The following BMAL1 variants were observed in gnomAD, a reference collection of about 807,000 sequenced individuals.
BMAL1 encodes the protein basic helix-loop-helix ARNT like 1.
At chr11:13,362,160 C>T in the BMAL1 span, among the ~76,000 whole-genome samples, 1 of 152,188 alleles carries the variant, frequency 6.6e-6, no homozygotes, top group Non-Finnish European at 1.5e-5. Context: ...GTGACTCCCA[C>T]AACCCAATAT....
At chr11:13,316,938 C>G in the BMAL1 span, among the ~76,000 whole-genome samples, 2 of 152,150 alleles carry the variant, frequency 1.3e-5, no homozygotes, top group African/African-American at 2.4e-5. Context: ...AACATCAGCT[C>G]CCTGTCTGTC....
At chr11:13,356,267 C>T in the BMAL1 span, 1 of 457,712 alleles carries the variant, frequency 2.2e-6, no homozygotes, top group South Asian at 1.5e-5. Context: ...TACTTTAATT[C>T]CACCCTCCTC....
the BMAL1 span, among the ~76,000 whole-genome samples, chr11:13,350,934 G>A: frequency 2.5e-4 from 38 of 152,222 alleles, no homozygotes; most frequent in Middle Eastern, 3.4e-3. Flanking sequence ...AAATTTATTC[G>A]TTCATTCAAT....
the BMAL1 span, chr11:13,276,899 T>C: frequency 6.6e-6 from 1 of 152,248 alleles, no homozygotes; most frequent in East Asian, 1.9e-4. Context: ...GTAGACAGCT[T>C]TTTGCAGCAG....
the BMAL1 span, chr11:13,380,645 C>T: frequency 6.6e-6 from 1 of 152,666 alleles, no homozygotes; most frequent in Non-Finnish European, 1.5e-5. Context: ...TGGTGCCGTC[C>T]ATGTCCTAAG....
the BMAL1 span, among the ~76,000 whole-genome samples, chr11:13,304,326 G>C: frequency 6.6e-6 from 1 of 152,340 alleles, no homozygotes; most frequent in Non-Finnish European, 1.5e-5. Context: ...TCTGAAGGTG[G>C]GCCAGCAACT....
chr11:13,364,999 C>G, the BMAL1 span, among the ~76,000 whole-genome samples: 1 of 152,096 alleles, frequency 6.6e-6, no homozygotes, highest in Non-Finnish European at 1.5e-5. Context: ...ACAAAAAACA[C>G]TGCTCCGAAT....
chr11:13,351,258 G>A, the BMAL1 span, among the ~76,000 whole-genome samples: 2 of 152,154 alleles, frequency 1.3e-5, no homozygotes, highest in African/African-American at 4.8e-5. Flanking sequence ...TTGGAATGTC[G>A]AGCTCATAGG....
At chr11:13,352,833 CAG>C in the BMAL1 span, among the ~76,000 whole-genome samples, 1 of 152,162 alleles carries the variant, frequency 6.6e-6, no homozygotes, top group Admixed American at 6.5e-5. Flanking sequence ...AAGTTGGGTC[CAG>C]AGAGGGGTAG....
At chr11:13,287,231 A>G in the BMAL1 span, among the ~76,000 whole-genome samples, 2 of 152,328 alleles carry the variant, frequency 1.3e-5, no homozygotes, top group Non-Finnish European at 2.9e-5. Flanking sequence ...CTGTGCTGCA[A>G]ACTTCCCCAG....
At chr11:13,365,096 T>C in the BMAL1 span, among the ~76,000 whole-genome samples, 1 of 148,888 alleles carries the variant, frequency 6.7e-6, no homozygotes, top group Non-Finnish European at 1.5e-5. Flanking sequence ...GGAGAGGGGA[T>C]TCTTGAAGAG....
chr11:13,365,485 A>G, the BMAL1 span: 3 of 1,608,974 alleles, frequency 1.9e-6, no homozygotes. Context: ...TTGATTATCC[A>G]TTTCTCCTGA....
At chr11:13,341,830 A>G in the BMAL1 span, among the ~76,000 whole-genome samples, 1 of 152,252 alleles carries the variant, frequency 6.6e-6, no homozygotes, top group African/African-American at 2.4e-5. Context: ...CTGGTCCTTG[A>G]GCATGACTCA....
At chr11:13,286,644 C>T in the BMAL1 span, among the ~76,000 whole-genome samples, 140,653 of 152,156 alleles carry the variant, frequency 0.92, 65,472 homozygotes, top group East Asian at 1. Context: ...TCCCCATGTG[C>T]AGAGCTCTGC....
At chr11:13,329,651 G>A in the BMAL1 span, among the ~76,000 whole-genome samples, 1 of 152,220 alleles carries the variant, frequency 6.6e-6, no homozygotes, top group Non-Finnish European at 1.5e-5. Context: ...TCTGCATGCA[G>A]TTCTTCAATG....
the BMAL1 span, among the ~76,000 whole-genome samples, chr11:13,279,567 C>G: frequency 0.62 from 94,311 of 152,130 alleles, 30,127 homozygotes; most frequent in Non-Finnish European, 0.7. Flanking sequence ...CATGCTCTCT[C>G]TGCTTGCAAG....
chr11:13,338,706 G>A, the BMAL1 span, among the ~76,000 whole-genome samples: 3 of 152,186 alleles, frequency 2.0e-5, no homozygotes, highest in Non-Finnish European at 4.4e-5. Flanking sequence ...CCCTGCTCTA[G>A]CCCTTCTCAG....
chr11:13,279,399 T>C, the BMAL1 span, among the ~76,000 whole-genome samples: 1 of 152,218 alleles, frequency 6.6e-6, no homozygotes, highest in African/African-American at 2.4e-5. Context: ...TGTTCACCCC[T>C]TTAATCTATT....
the BMAL1 span, chr11:13,358,725 T>C: frequency 1.0e-6 from 1 of 990,238 alleles, no homozygotes; most frequent in East Asian, 2.8e-5. Context: ...GCCTTTACTC[T>C]TCAGCAACAG....
Sources: allele counts gnomAD v4.1 joint callset (sites outside exome capture counted in the v4.1 genomes callset), GRCh38; gene constraint gnomAD v4.1.1; transcripts MANE v1.5; gene names NCBI Gene and HGNC (gene_info 2026-07-23, HGNC 2026-07-21).